Variants in COL21A1 observed in about 807,000 individuals in gnomAD.
COL21A1 encodes collagen alpha-1(XXI) chain.
COL21A1 carries 149 observed loss-of-function variants against 137.9 expected under a neutral mutation model. That is an observed-to-expected ratio of 1.08 (90% CI 0.95 to 1.24). COL21A1 has a LOEUF of 1.24. Ranked by LOEUF, COL21A1 falls within the 50% of genes most tolerant of loss-of-function variation. COL21A1 has a pLI of 0.00. For missense variants in COL21A1, 1,167 were observed against 1,158.4 expected (o/e 1.01, Z -0.11); for synonymous variants, 456 against 391.5 (o/e 1.16, Z -1.95).
intron 23 of COL21A1, among the ~76,000 whole-genome samples, chr6:56,065,292 T>A (rs533465544): frequency 6.6e-6 from 1 of 152,140 alleles, no homozygotes; most frequent in South Asian, 2.1e-4. Context: ...ATGAAAGATC[T>A]AGTGACTACA....
intron 17 of COL21A1, among the ~76,000 whole-genome samples, chr6:56,099,369 T>C (rs1271895614): frequency 6.6e-6 from 1 of 151,330 alleles, no homozygotes; most frequent in Non-Finnish European, 1.5e-5. Flanking sequence ...TCCGAGTAGC[T>C]GGGACTACAG....
At chr6:56,092,894 C>T (rs1410655228) in intron 17 of COL21A1, among the ~76,000 whole-genome samples, 1 of 152,118 alleles carries the variant, frequency 6.6e-6, no homozygotes, top group Non-Finnish European at 1.5e-5. Flanking sequence ...GTGTGTCCCC[C>T]AGAAGCTCAA....
intron 1 of COL21A1, among the ~76,000 whole-genome samples, chr6:56,363,641 G>C (rs1766027408): frequency 1.3e-5 from 2 of 152,186 alleles, no homozygotes. Flanking sequence ...GAGGTATTGG[G>C]TAATATTTGT....
At chr6:56,110,525 A>G (rs1771331484) in intron 16 of COL21A1, among the ~76,000 whole-genome samples, 1 of 151,954 alleles carries the variant, frequency 6.6e-6, no homozygotes, top group Admixed American at 6.5e-5. Flanking sequence ...TTTCATATAA[A>G]TTAGTATAGA....
At chr6:56,061,589 A>G in intron 25 of COL21A1, 60 bp downstream of exon 25, 1 of 1,220,006 alleles carries the variant, frequency 8.2e-7, no homozygotes, top group Non-Finnish European at 1.2e-6. Flanking sequence ...TAGTATTGAA[A>G]CCCAAGCAAA....
intron 22 of COL21A1, 192 bp downstream of exon 22, chr6:56,068,854 C>A (rs1358398402): frequency 2.0e-6 from 1 of 488,466 alleles, no homozygotes. Flanking sequence ...GAGACAATAC[C>A]CATGTGGGTA....
chr6:56,125,252 A>G (rs143664806), intron 14 of COL21A1: 3,256 of 158,972 alleles, frequency 0.02, 67 homozygotes, highest in African/African-American at 0.051. Flanking sequence ...AACTCCTGAC[A>G]TCATCATCCA....
chr6:56,386,108 C>G (rs910891550), intron 1 of COL21A1, among the ~76,000 whole-genome samples: 1 of 152,090 alleles, frequency 6.6e-6, no homozygotes, highest in Non-Finnish European at 1.5e-5. Flanking sequence ...GCCACCACGC[C>G]CAGCTAATTT....
At chr6:56,361,906 G>A (rs1312737041) in intron 1 of COL21A1, among the ~76,000 whole-genome samples, 2 of 152,146 alleles carry the variant, frequency 1.3e-5, no homozygotes, top group Non-Finnish European at 2.9e-5. Context: ...TCATCCACAA[G>A]GATATCAAGC....
At position 56,168,301 on chromosome 6, in the gene COL21A1, C is replaced by T. The variant is rs1373973336; in HGVS notation, c.1027-4G>A. Reference sequence around the variant, plus strand: ...GCCAGCCTTCATCAAACAACGTCTACAAAAAGAAAGTGTGGAAGATTCATA... The same window carrying T: ...GCCAGCCTTCATCAAACAACGTCTATAAAAAGAAAGTGTGGAAGATTCATA... On this transcript the variant is annotated splice_region_variant and splice_polypyrimidine_tract_variant and intron_variant, in intron 5 of 29. Coordinates refer to ENST00000244728, the MANE Select transcript of COL21A1 (RefSeq NM_030820.4). 6.6e-7 allele frequency: 1 copy of T among 1,523,958 alleles called. No homozygotes were observed. Among genetic ancestry groups the T allele is most frequent in the East Asian group, 2.3e-5 (1 of 43,228 alleles). The allele number at this position is 1,523,958 out of a possible 1,614,324, so 94.4% of individuals were successfully genotyped here.
At chr6:56,389,591 T>A (rs931494787) in intron 1 of COL21A1, among the ~76,000 whole-genome samples, 5 of 152,140 alleles carry the variant, frequency 3.3e-5, no homozygotes, top group Non-Finnish European at 5.9e-5. Flanking sequence ...AAAGGTTATA[T>A]AACACCAAGT....
intron 1 of COL21A1, among the ~76,000 whole-genome samples, chr6:56,325,221 G>A (rs1250282204): frequency 3.1e-5 from 2 of 63,928 alleles, no homozygotes; most frequent in African/African-American, 1.2e-4. Context: ...CCTTGGTCAT[G>A]AACCTAAGAT....
chr6:56,134,758 A>G (rs1408101468), intron 12 of COL21A1, among the ~76,000 whole-genome samples: 1 of 152,170 alleles, frequency 6.6e-6, no homozygotes, highest in Non-Finnish European at 1.5e-5. Context: ...GATCGTTTTA[A>G]AAATGGGAGT....
chr6:56,133,186 G>A (rs1773709571), intron 12 of COL21A1, among the ~76,000 whole-genome samples: 1 of 152,200 alleles, frequency 6.6e-6, no homozygotes, highest in Non-Finnish European at 1.5e-5. Flanking sequence ...GAGACTTGTT[G>A]AATGGCTTTG....
At chr6:56,249,506 C>T (rs137875169), upstream of COL21A1, among the ~76,000 whole-genome samples, 154 of 152,162 alleles carry the variant, frequency 1.0e-3, no homozygotes, top group Non-Finnish European at 1.9e-3. Flanking sequence ...AGTGTTATAT[C>T]GCTACAATGG....
rs557771148 is a variant in COL21A1 at position 56,144,170 on chromosome 6, C to T, written c.1435-2187G>A. ...TACAAATATAGAATTCACTTTCCTC[C>T]TTACAACTACTCTTTAATGTAGGTT... On this transcript the variant is annotated intron_variant, in intron 10 of 29. Coordinates refer to ENST00000244728, the MANE Select transcript of COL21A1 (RefSeq NM_030820.4). Among the ~76,000 whole-genome samples, 6 of 152,292 alleles carry T rather than the reference C, an allele frequency of 3.9e-5. No homozygotes were observed. In the South Asian group the frequency reaches 1.2e-3, roughly 32 times the overall value.
chr6:56,376,063 G>A (rs975509758), intron 1 of COL21A1, among the ~76,000 whole-genome samples: 3 of 152,118 alleles, frequency 2.0e-5, no homozygotes, highest in Non-Finnish European at 2.9e-5. Context: ...ATGTTTAATG[G>A]GTAAAAGGAA....
intron 1 of COL21A1, among the ~76,000 whole-genome samples, chr6:56,326,651 T>G (rs5002552): frequency 0.99 from 149,909 of 152,068 alleles, 73,920 homozygotes; most frequent in Middle Eastern, 1. Context: ...ATCTTACCTG[T>G]TGATTAGTTG....
intron 1 of COL21A1, among the ~76,000 whole-genome samples, chr6:56,246,897 TTGGTCTGGGGTGC>T (rs1782679402): frequency 6.6e-6 from 1 of 152,096 alleles, no homozygotes; most frequent in Non-Finnish European, 1.5e-5. Context: ...TTCTGAGTAA[TTGGTCTGGGGTGC>T]TGCTCAAGCA....
Sources: gnomAD v4.1 joint callset for allele counts (sites outside exome capture counted in the v4.1 genomes callset) on GRCh38, gnomAD v4.1.1 for gene constraint, MANE v1.5 for transcripts, NCBI Gene and HGNC (gene_info 2026-07-23, HGNC 2026-07-21) for gene names.